Variants in NLRC5 observed in about 807,000 individuals in gnomAD.
NLRC5 encodes the protein protein NLRC5.
In NLRC5, 114 loss-of-function variants were observed where a neutral mutation model predicts 206.9. The ratio of observed to expected loss-of-function variants is 0.55; its 90% confidence interval spans 0.47 to 0.64. NLRC5 has a LOEUF of 0.64. Ranked by LOEUF, NLRC5 falls within the 30% of genes least tolerant of loss-of-function variation. The pLI is 0.00. For synonymous variants in NLRC5, 952 were observed against 962.8 expected (o/e 0.99, Z 0.21); for missense variants, 2,008 against 2,305.5 (o/e 0.87, Z 2.64).
At chr16:57,028,277 C>A in intron 7 of NLRC5, 25 bp from the exon 8 acceptor site, 3 of 1,609,514 alleles carry the variant, frequency 1.9e-6, no homozygotes, top group Non-Finnish European at 2.6e-6. Flanking sequence ...CTCGTTCCTC[C>A]CCACCATCTT....
At chr16:57,057,748 T>C (rs1365107814) in intron 27 of NLRC5, among the ~76,000 whole-genome samples, 1 of 152,070 alleles carries the variant, frequency 6.6e-6, no homozygotes, top group Non-Finnish European at 1.5e-5. Flanking sequence ...GGGGAGGGGA[T>C]AGTAGCAGAG....
chr16:57,013,934 C>T (rs2059760333), intron 1 of NLRC5: 1 of 484,908 alleles, frequency 2.1e-6, no homozygotes, highest in Non-Finnish European at 3.9e-6. Flanking sequence ...TTTTACTGCA[C>T]ACAGATTCAG....
intron 1 of NLRC5, chr16:57,013,244 A>G (rs2059685049): frequency 3.8e-6 from 2 of 529,996 alleles, no homozygotes; most frequent in South Asian, 3.5e-5. Flanking sequence ...GCCACATTCA[A>G]TCTTTGGCAC....
chr16:57,020,707 C>T lies in NLRC5; in HGVS notation c.-6C>T. 6.2e-7 allele frequency: 1 copy of T among 1,607,830 alleles called. No individual in the cohort carries two copies. Among genetic ancestry groups the T allele is most frequent in the African/African-American group, 1.4e-5 (1 of 72,944 alleles). On this transcript the variant is annotated 5_prime_UTR_variant, in exon 3 of 49. Transcript: ENST00000688547. ...ATCTTCCCTGTCCCTCCAGGGCTGG[C>T]TCCTCATGGACCCCGTTGGCCTCCA...
chr16:57,009,703 TA>T (rs2059297270), intron 1 of NLRC5, among the ~76,000 whole-genome samples: 1 of 152,222 alleles, frequency 6.6e-6, no homozygotes, highest in South Asian at 2.1e-4. Flanking sequence ...TGTTCATTTT[TA>T]AAAAGCCAAA....
chr16:57,059,188 C>T, intron 29 of NLRC5, 127 bp downstream of exon 29: 1 of 1,569,638 alleles, frequency 6.4e-7, no homozygotes. Flanking sequence ...GCAACCTCTG[C>T]CTTTCTCTGA....
At chr16:57,040,155 AG>A (rs1190656088) in intron 16 of NLRC5, among the ~76,000 whole-genome samples, 2 of 152,192 alleles carry the variant, frequency 1.3e-5, no homozygotes, top group Admixed American at 6.5e-5. Context: ...GCTTAAACCC[AG>A]GGGATTGCCT....
intron 1 of NLRC5, among the ~76,000 whole-genome samples, chr16:57,007,259 C>G (rs1344323298): frequency 6.6e-6 from 1 of 152,208 alleles, no homozygotes; most frequent in Admixed American, 6.5e-5. Flanking sequence ...TATACACACT[C>G]CACGTCCACG....
rs142226702 is a variant in NLRC5 at position 57,029,092 on chromosome 16, A to C, written c.2244-681A>C. On this transcript the variant is annotated intron_variant, in intron 8 of 48. Transcript: ENST00000688547. ...CAGCACTTGTTGAGTGAAAATAATA[A>C]GTTGGACCACAGTCCCTATTGTCGT... 2.6e-4 allele frequency among the ~76,000 whole-genome samples: 39 copies of C among 152,308 alleles called. 1 individual carries two copies. Among genetic ancestry groups the C allele is most frequent in the South Asian group, 4.2e-4 (2 of 4,816 alleles).
Position 57,045,430 on chromosome 16 carries a change from C to G in NLRC5, c.3204-18C>G. On this transcript the variant is annotated intron_variant, in intron 20 of 48. Coordinates refer to ENST00000688547, the MANE Select transcript of NLRC5 (RefSeq NM_001384950.1). The stretch of plus-strand genomic sequence containing the variant: ...GTCTTTGACCATTTTCAAACTGCTG[C>G]TTCCTCTCTGCTTCCAGCTTTGAAA... The G allele has an allele frequency of 6.2e-7, 1 of 1,614,114 alleles. No homozygotes were observed. The highest frequency in any genetic ancestry group is 8.5e-7 in the Non-Finnish European group (1 of 1,179,986).
intron 5 of NLRC5, 130 bp downstream of exon 5, chr16:57,023,983 C>T (rs1352251824): frequency 2.8e-5 from 24 of 863,960 alleles, no homozygotes; most frequent in Non-Finnish European, 3.6e-6. Flanking sequence ...CGCAAGTTTC[C>T]AGGAGAAAAG....
chr16:57,062,087 A>G, intron 32 of NLRC5: 3 of 1,229,502 alleles, frequency 2.4e-6, no homozygotes, highest in Non-Finnish European at 3.2e-6. Context: ...TAAAACTCCT[A>G]TTCCCAGAAC....
rs189241308 is a variant in NLRC5, at chr16:56,993,019, A to C, written c.-128+3402A>C. Among the ~76,000 whole-genome samples, 17 of 148,764 alleles carry C rather than the reference A, an allele frequency of 1.1e-4. 1 individual carries two copies. Among genetic ancestry groups the C allele is most frequent in the African/African-American group, 3.9e-4 (16 of 40,698 alleles). On this transcript the variant is annotated intron_variant, in intron 1 of 48. Transcript: ENST00000688547. ...CCAGCCACCCAATTGCCCTCCCCGAAGACAACCAATGTTATCAGGTTCTTG... is the reference window on the plus strand; with the variant it reads ...CCAGCCACCCAATTGCCCTCCCCGACGACAACCAATGTTATCAGGTTCTTG...
At chr16:57,054,936 A>G (rs1306400996) in intron 25 of NLRC5, 96 bp downstream of exon 25, 47 of 1,580,452 alleles carry the variant, frequency 3.0e-5, no homozygotes, top group Non-Finnish European at 4.0e-5. Context: ...GTAGGACCCA[A>G]CTAGAGGCTG....
In NLRC5 at chr16:57,058,045, C is replaced by A; in HGVS notation, c.3747-20C>A. 1 of 1,604,450 alleles carries A rather than the reference C, an allele frequency of 6.2e-7. No homozygotes were observed. The highest frequency in any genetic ancestry group is 1.7e-5 in the Admixed American group (1 of 59,634). On this transcript the variant is annotated intron_variant, in intron 27 of 48. Coordinates refer to ENST00000688547, the MANE Select transcript of NLRC5 (RefSeq NM_001384950.1). ...GAGGAGGCACCTCTGATCCCCGCCA[C>A]TGCTCCTTACCCCCTACAGTCTCTC...
chr16:57,033,725 G>A (rs374604156), intron 12 of NLRC5, 56 bp downstream of exon 12: 21 of 1,508,646 alleles, frequency 1.4e-5, no homozygotes, highest in Admixed American at 1.0e-4. Flanking sequence ...GGGAAAGTCC[G>A]AGGCAAGGGA....
rs187310073 is a variant in NLRC5, at chr16:57,055,473, T to A, written c.3700T>A (p.Ser1234Thr). The A allele has an allele frequency of 6.2e-6, 10 of 1,613,638 alleles. No homozygotes were observed. Among genetic ancestry groups the A allele is most frequent in the Middle Eastern group, 3.3e-4 (2 of 6,060 alleles). ...CAGCCTCAGCCAGGAGCACGTAGAG[T>A]CACTCTGCTGGTTGCTGAGCAAGTG... Reference protein sequence around the residue: ...GCSLSQEHVESLCWLLSKCKD... With the variant: ...GCSLSQEHVETLCWLLSKCKD... Residue 1234 changes from serine to threonine, a missense_variant, in exon 27 of 49, where the codon TCA becomes ACA. By Grantham distance (58) the Ser-to-Thr change is moderately conservative. Coordinates refer to ENST00000688547, the MANE Select transcript of NLRC5 (RefSeq NM_001384950.1).
chr16:57,002,644 TG>T (rs370201500), intron 1 of NLRC5, among the ~76,000 whole-genome samples: 1,251 of 103,494 alleles, frequency 0.012, 14 homozygotes, highest in Middle Eastern at 0.026. Context: ...AGTTTTTTTT[TG>T]TTTTTTTTTT....
rs148291983 is a variant in NLRC5, at chr16:57,055,862, C to T, written c.3746+343C>T. Among the ~76,000 whole-genome samples the T allele has an allele frequency of 1.6e-3, 238 of 152,310 alleles. 1 individual carries two copies. The highest frequency in any genetic ancestry group is 5.4e-3 in the African/African-American group (226 of 41,578). ...TGGTTAAAAGTACCGGATGACTCTG[C>T]CTGAGGAGGGACGCAGAGCCAGCCA... On this transcript the variant is annotated intron_variant, in intron 27 of 48. Coordinates refer to ENST00000688547, the MANE Select transcript of NLRC5 (RefSeq NM_001384950.1).
Sources: allele counts gnomAD v4.1 joint callset (sites outside exome capture counted in the v4.1 genomes callset), GRCh38; gene constraint gnomAD v4.1.1; transcripts MANE v1.5; gene names NCBI Gene and HGNC (gene_info 2026-07-23, HGNC 2026-07-21).